Variants in STK39 observed in about 807,000 individuals in gnomAD.
The protein encoded by STK39 is serine/threonine kinase 39, also known as STE20/SPS1-related proline-alanine-rich protein kinase.
Under a neutral mutation model 77.8 loss-of-function variants are expected in STK39, and 20 were observed. The observed-to-expected ratio is 0.26, with a 90% CI of 0.18 to 0.37. STK39 has a LOEUF of 0.37. Among genes scored for constraint, STK39 ranks in the 10% least tolerant of loss-of-function variants. STK39 has a pLI of 1.00. For missense variants in STK39, 479 were observed against 656.5 expected, an observed-to-expected ratio of 0.73 and a Z score of 2.95; for synonymous variants, 246 against 234.1, an observed-to-expected ratio of 1.05 and a Z score of -0.47.
At position 168,026,146 on chromosome 2, in the gene STK39, C is replaced by G. The variant is rs182820460; in HGVS notation, c.1377-9051G>C. Reference sequence around the variant, plus strand: ...AAAAAGTCATAGTTCCAGTCATTAACAAGTTTCCGATCTTTGCAGAAAATG... The same window carrying G: ...AAAAAGTCATAGTTCCAGTCATTAAGAAGTTTCCGATCTTTGCAGAAAATG... On this transcript the variant is annotated intron_variant, in intron 14 of 17. Coordinates refer to ENST00000355999, the MANE Select transcript of STK39 (RefSeq NM_013233.3). Among the ~76,000 whole-genome samples, 42 of 152,300 alleles carry G rather than the reference C, an allele frequency of 2.8e-4. 1 individual carries two copies. The highest frequency in any genetic ancestry group is 7.7e-4 in the East Asian group (4 of 5,192).
intron 14 of STK39, among the ~76,000 whole-genome samples, chr2:168,020,677 T>A (rs1196379047): frequency 6.6e-6 from 1 of 150,906 alleles, no homozygotes; most frequent in African/African-American, 2.4e-5. Context: ...ATTTATTATA[T>A]ATCATATATA....
chr2:168,051,625 T>C (rs1440728566), intron 14 of STK39, among the ~76,000 whole-genome samples: 4 of 152,146 alleles, frequency 2.6e-5, no homozygotes, highest in African/African-American at 9.7e-5. Context: ...CTCTACTCTT[T>C]TTTAATTTTT....
intron 1 of STK39, among the ~76,000 whole-genome samples, chr2:168,237,190 T>C (rs1377392663): frequency 6.6e-6 from 1 of 152,200 alleles, no homozygotes; most frequent in Non-Finnish European, 1.5e-5. Flanking sequence ...CCTAGGTATT[T>C]TATTCTCTTT....
chr2:168,088,090 C>T (rs575131333), intron 10 of STK39, among the ~76,000 whole-genome samples: 1 of 152,206 alleles, frequency 6.6e-6, no homozygotes, highest in East Asian at 1.9e-4. Flanking sequence ...CACTCAAATG[C>T]ACTGATTTTT....
At chr2:168,080,932 A>G (rs531251672) in intron 10 of STK39, among the ~76,000 whole-genome samples, 1 of 152,240 alleles carries the variant, frequency 6.6e-6, no homozygotes, top group Non-Finnish European at 1.5e-5. Flanking sequence ...TTGAGCCTGT[A>G]GATGCACAGA....
chr2:168,221,383 G>C (rs1690165237), intron 1 of STK39, among the ~76,000 whole-genome samples: 1 of 72,446 alleles, frequency 1.4e-5, no homozygotes, highest in Non-Finnish European at 2.8e-5. Flanking sequence ...TGTATATTCA[G>C]TTAGTGTTAG....
intron 14 of STK39, among the ~76,000 whole-genome samples, chr2:168,031,347 TC>T (rs796083421): frequency 4.6e-5 from 7 of 152,334 alleles, no homozygotes; most frequent in African/African-American, 1.7e-4. Context: ...AATCTGAAGC[TC>T]AGCCTTATCT....
chr2:168,017,213 G>T, intron 14 of STK39, 118 bp from the exon 15 acceptor site: 1 of 521,052 alleles, frequency 1.9e-6, no homozygotes, highest in Non-Finnish European at 3.2e-6. Flanking sequence ...ACAGTTTGAG[G>T]TTACCTCCAA....
intron 14 of STK39, among the ~76,000 whole-genome samples, chr2:168,052,723 C>A (rs1685429287): frequency 6.6e-6 from 1 of 152,228 alleles, no homozygotes; most frequent in Admixed American, 6.5e-5. Flanking sequence ...CCAACACAGG[C>A]TACTTCCTCT....
At chr2:168,017,154 C>T in intron 14 of STK39, 59 bp from the exon 15 acceptor site, 1 of 1,213,108 alleles carries the variant, frequency 8.2e-7, no homozygotes, top group East Asian at 2.5e-5. Flanking sequence ...AGTCGAACTA[C>T]ATGTATTCAG....
At chr2:167,993,146 A>G (rs1308824205) in intron 16 of STK39, among the ~76,000 whole-genome samples, 2 of 152,234 alleles carry the variant, frequency 1.3e-5, no homozygotes, top group African/African-American at 4.8e-5. Flanking sequence ...CGATTTATGT[A>G]AGACATTTAA....
Position 167,955,624 on chromosome 2 carries a change from T to C in STK39, c.1564-54A>G, listed in dbSNP as rs1025238450. ...CTGGTTTGCTGCTGCTGCTGGTTGT[T>C]AAAGTCTTGTTCCTATGATGGCAGA... is the stretch of plus-strand genomic sequence containing the variant. On this transcript the variant is annotated intron_variant, in intron 17 of 17. Transcript: ENST00000355999. The C allele has an allele frequency of 9.6e-6, 15 of 1,564,582 alleles. 1 individual carries two copies. Among genetic ancestry groups the C allele is most frequent in the East Asian group, 4.6e-5 (2 of 43,674 alleles).
At chr2:168,029,814 A>G (rs1412268530) in intron 14 of STK39, among the ~76,000 whole-genome samples, 1 of 152,214 alleles carries the variant, frequency 6.6e-6, no homozygotes, top group African/African-American at 2.4e-5. Flanking sequence ...TGCCATGAAC[A>G]TGCAGGAGAC....
intron 8 of STK39, among the ~76,000 whole-genome samples, chr2:168,132,160 A>T (rs1003005267): frequency 2.2e-4 from 34 of 152,214 alleles, no homozygotes; most frequent in African/African-American, 7.2e-4. Flanking sequence ...ACATGAAACA[A>T]CATTTTAAAA....
intron 16 of STK39, among the ~76,000 whole-genome samples, chr2:167,987,121 A>G (rs1683580827): frequency 6.6e-6 from 1 of 152,146 alleles, no homozygotes; most frequent in Non-Finnish European, 1.5e-5. Flanking sequence ...AAGAAATCAA[A>G]TGAAAAGCTG....
At chr2:168,047,540 A>C (rs191813777) in intron 14 of STK39, among the ~76,000 whole-genome samples, 1 of 152,220 alleles carries the variant, frequency 6.6e-6, no homozygotes, top group Admixed American at 6.5e-5. Flanking sequence ...ACAAACGTAC[A>C]AAGTTTGGTT....
In STK39 at chr2:168,247,544, C is replaced by CCCGCCGTCGCCG; in HGVS notation, c.-110_-109insCGGCGACGGCGG. The CCCGCCGTCGCCG allele has an allele frequency of 6.3e-6, 3 of 478,038 alleles. No homozygotes were observed. The highest frequency in any genetic ancestry group is 8.6e-6 in the Non-Finnish European group (3 of 348,370). 29.6% of individuals were successfully genotyped at this position (478,038 alleles called of 1,614,324 possible). ...TCTCGGCCGGCGCACGCCCTCCCCG[C>CCCGCCGTCGCCG]CCGCCGCCGCCGCCGCCGTCCCCGC... On this transcript the variant is annotated 5_prime_UTR_variant, in exon 1 of 18. Coordinates refer to ENST00000355999, the MANE Select transcript of STK39 (RefSeq NM_013233.3).
chr2:168,172,879 T>C (rs1688863274), intron 2 of STK39, among the ~76,000 whole-genome samples: 1 of 152,224 alleles, frequency 6.6e-6, no homozygotes, highest in Non-Finnish European at 1.5e-5. Flanking sequence ...TCTAACTTTA[T>C]TCTAAAGCAA....
chr2:168,016,854 C>A (rs1045249023), intron 15 of STK39, among the ~76,000 whole-genome samples, 189 bp downstream of exon 15: 1 of 152,154 alleles, frequency 6.6e-6, no homozygotes, highest in Non-Finnish European at 1.5e-5. Flanking sequence ...CACTGAGATT[C>A]ATGTAGTCAG....
Sources: allele counts gnomAD v4.1 joint callset (sites outside exome capture counted in the v4.1 genomes callset), GRCh38; gene constraint gnomAD v4.1.1; transcripts MANE v1.5; gene names NCBI Gene and HGNC (gene_info 2026-07-23, HGNC 2026-07-21).